The following PAPPA2 variants were observed in gnomAD, a reference collection of about 807,000 sequenced individuals.
PAPPA2 encodes pappalysin-2.
In PAPPA2, 86 loss-of-function variants were observed where a neutral mutation model predicts 176.4. That is an observed-to-expected ratio of 0.49 (90% CI 0.41 to 0.58). The LOEUF is 0.58. Among genes scored for constraint, PAPPA2 ranks in the 20% least tolerant of loss-of-function variants. PAPPA2 has a pLI of 0.00. For synonymous variants in PAPPA2, 809 were observed against 852.2 expected, an observed-to-expected ratio of 0.95 and a Z score of 0.88; for missense variants, 2,073 against 2,256.9, an observed-to-expected ratio of 0.92 and a Z score of 1.65.
At chr1:176,620,955 A>AT (rs1655560399) in intron 3 of PAPPA2, among the ~76,000 whole-genome samples, 1 of 152,192 alleles carries the variant, frequency 6.6e-6, no homozygotes, top group South Asian at 2.1e-4. Context: ...GCCTTCAGGT[A>AT]TAGAGATGCC....
At chr1:176,828,947 G>A (rs1666967966) in intron 21 of PAPPA2, among the ~76,000 whole-genome samples, 2 of 151,974 alleles carry the variant, frequency 1.3e-5, no homozygotes, top group Non-Finnish European at 1.5e-5. Context: ...AGGTTGCAGT[G>A]AGCCGAGATC....
intron 18 of PAPPA2, among the ~76,000 whole-genome samples, chr1:176,791,063 C>A (rs570186259): frequency 6.6e-6 from 1 of 151,146 alleles, no homozygotes; most frequent in Non-Finnish European, 1.5e-5. Context: ...ATATGAGCTT[C>A]GGTTGATAGC....
At chr1:176,465,962 A>T (rs1224257875) in intron 1 of PAPPA2, among the ~76,000 whole-genome samples, 6 of 152,016 alleles carry the variant, frequency 3.9e-5, no homozygotes, top group Admixed American at 1.3e-4. Context: ...TCATTCTCCT[A>T]TCAGAGTGCT....
At chr1:176,802,086 A>T (rs912847896) in intron 21 of PAPPA2, among the ~76,000 whole-genome samples, 2 of 152,152 alleles carry the variant, frequency 1.3e-5, no homozygotes, top group African/African-American at 4.8e-5. Context: ...AGGCCCCCGA[A>T]TACCTACTCG....
intron 2 of PAPPA2, among the ~76,000 whole-genome samples, chr1:176,590,091 T>G (rs1426085661): frequency 6.6e-6 from 1 of 152,188 alleles, no homozygotes; most frequent in Non-Finnish European, 1.5e-5. Context: ...CACTGGGTCC[T>G]CCAGTAGACA....
intron 12 of PAPPA2, among the ~76,000 whole-genome samples, chr1:176,732,646 CTAGT>C (rs1420304106): frequency 6.6e-6 from 1 of 152,152 alleles, no homozygotes; most frequent in African/African-American, 2.4e-5. Flanking sequence ...CACCAGAAAT[CTAGT>C]TAGAAATGCA....
intron 1 of PAPPA2, among the ~76,000 whole-genome samples, chr1:176,467,186 A>G (rs1027583186): frequency 6.6e-6 from 1 of 152,166 alleles, no homozygotes; most frequent in African/African-American, 2.4e-5. Context: ...CAACACAATG[A>G]CATTTGTGTA....
intron 1 of PAPPA2, among the ~76,000 whole-genome samples, chr1:176,471,242 G>A (rs1651859157): frequency 6.6e-6 from 1 of 152,140 alleles, no homozygotes. Flanking sequence ...CCGGAAGGAT[G>A]AGTAGCTCAT....
chr1:176,683,217 C>A (rs1270731056), intron 4 of PAPPA2, among the ~76,000 whole-genome samples: 19 of 152,086 alleles, frequency 1.2e-4, no homozygotes. Context: ...CAGATTCTTT[C>A]TTTTCTTCCC....
chr1:176,788,017 G>A (rs1390577436), intron 17 of PAPPA2, among the ~76,000 whole-genome samples: 5 of 151,904 alleles, frequency 3.3e-5, no homozygotes, highest in Non-Finnish European at 7.4e-5. Context: ...CCGAGATCGC[G>A]CCATTGCACT....
intron 1 of PAPPA2, among the ~76,000 whole-genome samples, chr1:176,529,664 C>T (rs1008854671): frequency 2.0e-5 from 3 of 152,188 alleles, no homozygotes; most frequent in Non-Finnish European, 2.9e-5. Flanking sequence ...TGTGCCCTGA[C>T]GTTGCATTCT....
At chr1:176,692,409 C>A in intron 6 of PAPPA2, 91 bp downstream of exon 6, 1 of 1,310,914 alleles carries the variant, frequency 7.6e-7, no homozygotes, top group Non-Finnish European at 1.1e-6. Context: ...AGGGGAACTC[C>A]AATTTGGAAG....
At chr1:176,722,194 G>T (rs1304852327) in intron 12 of PAPPA2, among the ~76,000 whole-genome samples, 1 of 152,010 alleles carries the variant, frequency 6.6e-6, no homozygotes, top group South Asian at 2.1e-4. Context: ...TTGATGGAGG[G>T]GTCTGTTTAG....
chr1:176,534,361 T>C (rs1354097463), intron 1 of PAPPA2, among the ~76,000 whole-genome samples: 1 of 152,118 alleles, frequency 6.6e-6, no homozygotes, highest in African/African-American at 2.4e-5. Context: ...TTGCTTCTAT[T>C]CCAGTCCCGA....
intron 1 of PAPPA2, among the ~76,000 whole-genome samples, chr1:176,504,909 A>G (rs967658828): frequency 1.3e-5 from 2 of 152,076 alleles, no homozygotes; most frequent in African/African-American, 4.8e-5. Flanking sequence ...GCTATAATCT[A>G]CCCATAATGG....
intron 22 of PAPPA2, among the ~76,000 whole-genome samples, chr1:176,841,184 C>G (rs1216762569): frequency 6.6e-6 from 1 of 152,120 alleles, no homozygotes; most frequent in East Asian, 1.9e-4. Flanking sequence ...AGATCAAGAG[C>G]TTGGAACAAA....
At chr1:176,695,716 C>T (rs769630915) in intron 6 of PAPPA2, 22 bp from the exon 7 acceptor site, 4 of 1,613,128 alleles carry the variant, frequency 2.5e-6, no homozygotes, top group Admixed American at 1.7e-5. Context: ...CATCTCCCAT[C>T]TCCATCCCTT....
chr1:176,641,308 T>C (rs967625053), intron 3 of PAPPA2, among the ~76,000 whole-genome samples: 1 of 152,088 alleles, frequency 6.6e-6, no homozygotes, highest in African/African-American at 2.4e-5. Flanking sequence ...TCTTCTAGGG[T>C]TTTTATGGTT....
intron 2 of PAPPA2, among the ~76,000 whole-genome samples, chr1:176,587,589 A>T (rs963866550): frequency 6.6e-6 from 1 of 152,074 alleles, no homozygotes; most frequent in Non-Finnish European, 1.5e-5. Context: ...TGTTGATCAG[A>T]TGGTTGTAGA....
Sources: allele counts gnomAD v4.1 joint callset (sites outside exome capture counted in the v4.1 genomes callset), GRCh38; gene constraint gnomAD v4.1.1; transcripts MANE v1.5; gene names NCBI Gene and HGNC (gene_info 2026-07-23, HGNC 2026-07-21).